ANO10: variants seen among roughly 807,000 people sequenced by gnomAD.
The protein encoded by ANO10 is anoctamin-10.
ANO10 carries 77 observed loss-of-function variants against 74.7 expected under a neutral mutation model. The observed-to-expected ratio is 1.03, with a 90% CI of 0.86 to 1.25. The LOEUF is 1.25. Ranked by LOEUF, ANO10 falls within the 50% of genes most tolerant of loss-of-function variation. The pLI is 0.00. For synonymous variants in ANO10, 279 were observed against 284.9 expected (o/e 0.98, Z 0.21); for missense variants, 721 against 778.1 (o/e 0.93, Z 0.87).
Position 43,641,118 on chromosome 3 carries a change from A to T in ANO10, c.-11-35255T>A, listed in dbSNP as rs550640806. 1.3e-4 allele frequency among the ~76,000 whole-genome samples: 20 copies of T among 152,340 alleles called. No individual in the cohort carries two copies. In the South Asian group the frequency reaches 3.9e-3, roughly 30 times the overall value. On this transcript the variant is annotated intron_variant, in intron 1 of 3. Coordinates refer to the ANO10 transcript ENST00000413397. ...TAAGGATAATTATACATAAAATTAT[A>T]TACCAAAATATTGTTCTTATAGTTG...
At chr3:43,464,218 T>C (rs902178888) in intron 11 of ANO10, among the ~76,000 whole-genome samples, 1 of 152,248 alleles carries the variant, frequency 6.6e-6, no homozygotes, top group East Asian at 1.9e-4. Flanking sequence ...GGGACATTCA[T>C]GAGGACAGTA....
intron 11 of ANO10, among the ~76,000 whole-genome samples, chr3:43,463,545 G>A (rs898226459): frequency 6.6e-6 from 1 of 152,190 alleles, no homozygotes. Context: ...AGATTTTACT[G>A]CCCTGCTGGA....
At chr3:43,405,564 C>T (rs957901354) in intron 12 of ANO10, among the ~76,000 whole-genome samples, 1 of 152,216 alleles carries the variant, frequency 6.6e-6, no homozygotes, top group Non-Finnish European at 1.5e-5. Flanking sequence ...CAGCTCACTG[C>T]AGCCATGCTT....
At position 43,690,694 on chromosome 3, in the gene ANO10, A is replaced by T. The variant is rs77453551; in HGVS notation, c.-12+823T>A. The T allele has an allele frequency of 4.2e-3, 1,610 of 379,850 alleles. 26 individuals carry two copies. Among genetic ancestry groups the T allele is most frequent in the African/African-American group, 0.028 (1,358 of 47,674 alleles). 23.5% of individuals were successfully genotyped at this position (379,850 alleles called of 1,614,324 possible). On this transcript the variant is annotated intron_variant, in intron 1 of 3. Coordinates refer to the ANO10 transcript ENST00000413397. The stretch of plus-strand genomic sequence containing the variant: ...ACAGTCATTATTCAAATTAGCTAAA[A>T]CACCTAACTCATTCGGGTGAGTCTC...
chr3:43,440,182 T>C (rs1010220718), intron 11 of ANO10, among the ~76,000 whole-genome samples: 1 of 151,908 alleles, frequency 6.6e-6, no homozygotes, highest in African/African-American at 2.4e-5. Context: ...AAAACGGCAA[T>C]TGTAAGTCTG....
At chr3:43,490,757 T>G (rs905857030) in intron 11 of ANO10, among the ~76,000 whole-genome samples, 13 of 152,174 alleles carry the variant, frequency 8.5e-5, no homozygotes, top group African/African-American at 2.7e-4. Context: ...CAGTAGGTAG[T>G]TAGTCAGGCA....
At chr3:43,405,996 T>A (rs920651491) in intron 12 of ANO10, among the ~76,000 whole-genome samples, 1 of 152,166 alleles carries the variant, frequency 6.6e-6, no homozygotes, top group Non-Finnish European at 1.5e-5. Context: ...CTTGAAAGTA[T>A]ACTGTGAAAA....
intron 7 of ANO10, among the ~76,000 whole-genome samples, chr3:43,568,372 C>T (rs1166519427): frequency 2.0e-5 from 3 of 152,196 alleles, no homozygotes; most frequent in African/African-American, 7.2e-5. Context: ...CCCATATCAA[C>T]AGAATATACA....
intron 11 of ANO10, among the ~76,000 whole-genome samples, chr3:43,463,906 C>T (rs939855306): frequency 5.9e-5 from 9 of 152,112 alleles, no homozygotes; most frequent in Non-Finnish European, 1.0e-4. Flanking sequence ...GGGAGGGACC[C>T]GGTGGGAGGT....
intron 12 of ANO10, among the ~76,000 whole-genome samples, chr3:43,401,104 T>C (rs1378216564): frequency 2.0e-5 from 3 of 152,236 alleles, no homozygotes; most frequent in African/African-American, 7.2e-5. Context: ...TTGAGAGACT[T>C]CGCTTTTTCC....
intron 11 of ANO10, among the ~76,000 whole-genome samples, chr3:43,510,456 C>T (rs1297944359): frequency 7.2e-6 from 1 of 138,996 alleles, no homozygotes; most frequent in Non-Finnish European, 1.6e-5. Flanking sequence ...AAGAACTAAA[C>T]ACAAATACAC....
chr3:43,577,061 A>T lies in ANO10; in HGVS notation c.793T>A (p.Cys265Ser). Residue 265 changes from cysteine (C) to serine (S), a missense_variant, in exon 6 of 13, where the codon TGT becomes AGT. By Grantham distance (112) the Cys-to-Ser change is moderately radical (BLOSUM62 -1). Coordinates refer to ENST00000292246, the MANE Select transcript of ANO10 (RefSeq NM_018075.5). The stretch of plus-strand genomic sequence containing the variant: ...CCCCACCTGTAGGTCATGTTGGCAC[A>T]GCCACGCTTCCACAGTTCCAGAATC... Reference protein sequence around the residue: ...TVILELWKRGCANMTYRWGTL... With the variant: ...TVILELWKRGSANMTYRWGTL... 6.2e-7 allele frequency: 1 copy of T among 1,614,218 alleles called. No individual in the cohort carries two copies. Among genetic ancestry groups the T allele is most frequent in the African/African-American group, 1.3e-5 (1 of 75,042 alleles).
At chr3:43,597,003 A>T (rs1287728411) in intron 4 of ANO10, among the ~76,000 whole-genome samples, 2 of 152,264 alleles carry the variant, frequency 1.3e-5, no homozygotes, top group Non-Finnish European at 2.9e-5. Flanking sequence ...GCCAACAGAC[A>T]CATGAAAAAA....
At chr3:43,568,785 C>T (rs1204204075) in intron 7 of ANO10, among the ~76,000 whole-genome samples, 8 of 143,290 alleles carry the variant, frequency 5.6e-5, no homozygotes, top group East Asian at 2.0e-4. Flanking sequence ...ACTAGAAAAG[C>T]AAGAGCAAAC....
At chr3:43,650,460 A>AT in intron 1 of ANO10, among the ~76,000 whole-genome samples, 1 of 152,232 alleles carries the variant, frequency 6.6e-6, no homozygotes, top group South Asian at 2.1e-4. Context: ...GTAGTTAGAA[A>AT]AAGAAAACAC....
In ANO10 at chr3:43,579,128, T is replaced by C. The variant is rs570128008; in HGVS notation, c.592+1225A>G. On this transcript the variant is annotated intron_variant, in intron 5 of 12. Coordinates refer to ENST00000292246, the MANE Select transcript of ANO10 (RefSeq NM_018075.5). ...ATGATAGTAATGCAAAGGTGAAATC[T>C]ACCAGCTTAAAAAACATAACCAGAC... is the stretch of plus-strand genomic sequence containing the variant. 2.6e-5 allele frequency among the ~76,000 whole-genome samples: 4 copies of C among 152,240 alleles called. No individual in the cohort carries two copies. The South Asian group carries it at 6.2e-4, about 24-fold the overall frequency.
chr3:43,510,637 A>T (rs1477975197), intron 11 of ANO10, among the ~76,000 whole-genome samples: 2 of 152,286 alleles, frequency 1.3e-5, no homozygotes, highest in East Asian at 3.9e-4. Context: ...ACTGCATATG[A>T]ATCTCCAATT....
intron 11 of ANO10, among the ~76,000 whole-genome samples, chr3:43,549,248 A>G: frequency 6.7e-6 from 1 of 148,648 alleles, no homozygotes; most frequent in Non-Finnish European, 1.5e-5. Context: ...GACTACAAGA[A>G]TGAACCAAAT....
At chr3:43,569,668 G>A (rs1224679249) in intron 7 of ANO10, among the ~76,000 whole-genome samples, 1 of 141,928 alleles carries the variant, frequency 7.0e-6, no homozygotes, top group African/African-American at 2.7e-5. Context: ...AATAAATTAG[G>A]TATTGATGGG....
Sources: allele counts gnomAD v4.1 joint callset (sites outside exome capture counted in the v4.1 genomes callset), GRCh38; gene constraint gnomAD v4.1.1; transcripts MANE v1.5; gene names NCBI Gene and HGNC (gene_info 2026-07-23, HGNC 2026-07-21).